CCSER1: variants seen among roughly 807,000 people sequenced by gnomAD.
CCSER1 encodes serine-rich coiled-coil domain-containing protein 1.
A neutral mutation model predicts 82.0 loss-of-function variants in CCSER1; 41 were observed. That is an observed-to-expected ratio of 0.50 (90% confidence interval 0.39 to 0.65). The LOEUF (loss-of-function observed/expected upper bound fraction) is 0.65. CCSER1 is among the 30% of genes least tolerant of loss of function. The pLI, the probability that CCSER1 is intolerant of heterozygous loss-of-function variation, is 0.00. For synonymous variants in CCSER1, 414 were observed against 383.9 expected, an observed-to-expected ratio of 1.08 and a Z score of -0.92; for missense variants, 1,119 against 1,064.2, an observed-to-expected ratio of 1.05 and a Z score of -0.72.
chr4:90,972,876 T>A (rs1735247642), intron 9 of CCSER1, among the ~76,000 whole-genome samples: 1 of 151,800 alleles, frequency 6.6e-6, no homozygotes, highest in Non-Finnish European at 1.5e-5. Flanking sequence ...TCAACTGATC[T>A]TTGACAAAAG....
intron 8 of CCSER1, among the ~76,000 whole-genome samples, chr4:90,903,927 G>C (rs183038177): frequency 2.9e-4 from 44 of 151,108 alleles, no homozygotes; most frequent in African/African-American, 1.0e-3. Flanking sequence ...ACCTTTTATA[G>C]TTAAAATTTT....
intron 10 of CCSER1, among the ~76,000 whole-genome samples, chr4:91,410,430 C>T (rs1405453030): frequency 3.3e-5 from 5 of 152,048 alleles, no homozygotes; most frequent in African/African-American, 1.2e-4. Context: ...TTAAAGGCTT[C>T]TTTTATGTTT....
At chr4:91,129,423 C>T (rs537292892) in intron 10 of CCSER1, among the ~76,000 whole-genome samples, 1 of 151,368 alleles carries the variant, frequency 6.6e-6, no homozygotes, top group Non-Finnish European at 1.5e-5. Flanking sequence ...ATAGCTAATT[C>T]TGACAGAAAG....
intron 10 of CCSER1, among the ~76,000 whole-genome samples, chr4:91,435,321 C>T (rs1754585564): frequency 6.6e-6 from 1 of 151,820 alleles, no homozygotes; most frequent in Non-Finnish European, 1.5e-5. Context: ...TGTGTCTGTA[C>T]TCTCAGCTAC....
intron 10 of CCSER1, among the ~76,000 whole-genome samples, chr4:91,169,658 A>G (rs113555967): frequency 0.039 from 5,982 of 152,132 alleles, 358 homozygotes; most frequent in African/African-American, 0.13. Flanking sequence ...AAATACAAGT[A>G]TTCAAAACTT....
At chr4:91,183,643 G>A (rs569143763) in intron 10 of CCSER1, among the ~76,000 whole-genome samples, 61 of 152,072 alleles carry the variant, frequency 4.0e-4, no homozygotes, top group African/African-American at 9.4e-4. Context: ...GTTAGAGTCC[G>A]TGAATTAGTA....
At chr4:91,158,454 T>G (rs983845877) in intron 10 of CCSER1, among the ~76,000 whole-genome samples, 3 of 151,966 alleles carry the variant, frequency 2.0e-5, no homozygotes, top group South Asian at 2.1e-4. Context: ...ATGTTTTCCC[T>G]CTTTTGTCAT....
At chr4:91,424,204 A>T (rs1753843843) in intron 10 of CCSER1, among the ~76,000 whole-genome samples, 1 of 150,702 alleles carries the variant, frequency 6.6e-6, no homozygotes, top group Admixed American at 6.6e-5. Context: ...TTTTTAGTAG[A>T]GACGGGGTTT....
At chr4:90,261,095 T>A (rs10022446) in intron 1 of CCSER1, among the ~76,000 whole-genome samples, 7,873 of 152,154 alleles carry the variant, frequency 0.052, 546 homozygotes, top group African/African-American at 0.16. Flanking sequence ...TTCAATGTTA[T>A]TATTGAGATA....
chr4:90,444,575 C>T (rs1014276107), intron 4 of CCSER1, among the ~76,000 whole-genome samples: 4 of 151,940 alleles, frequency 2.6e-5, no homozygotes, highest in Admixed American at 1.3e-4. Flanking sequence ...TTACACTTCC[C>T]ATGGTAAATG....
At chr4:90,479,523 C>T (rs1765600089) in intron 5 of CCSER1, among the ~76,000 whole-genome samples, 1 of 152,062 alleles carries the variant, frequency 6.6e-6, no homozygotes, top group Non-Finnish European at 1.5e-5. Context: ...CTATCCCTCC[C>T]CGCTCCCCCC....
intron 3 of CCSER1, among the ~76,000 whole-genome samples, chr4:90,339,031 T>A (rs1740905069): frequency 6.6e-6 from 1 of 152,170 alleles, no homozygotes; most frequent in African/African-American, 2.4e-5. Context: ...GATTTAAAGG[T>A]TTGTTGTAGT....
chr4:91,081,130 C>T (rs568621589), intron 9 of CCSER1, among the ~76,000 whole-genome samples: 1 of 152,256 alleles, frequency 6.6e-6, no homozygotes, highest in South Asian at 2.1e-4. Flanking sequence ...GACCAATATC[C>T]CTCATGAACA....
At chr4:90,915,232 A>G (rs1727149414) in intron 8 of CCSER1, among the ~76,000 whole-genome samples, 1 of 152,194 alleles carries the variant, frequency 6.6e-6, no homozygotes, top group Admixed American at 6.6e-5. Context: ...TATTAGACCA[A>G]TATCCATGAT....
At chr4:90,325,512 G>A (rs753668219) in intron 3 of CCSER1, 2 of 200,166 alleles carry the variant, frequency 1.0e-5, no homozygotes, top group Non-Finnish European at 2.2e-5. Flanking sequence ...TTCCGTGAGA[G>A]GACAACTGCT....
At chr4:91,570,099 A>T (rs1482314668) in intron 10 of CCSER1, among the ~76,000 whole-genome samples, 3 of 152,200 alleles carry the variant, frequency 2.0e-5, no homozygotes, top group Non-Finnish European at 4.4e-5. Flanking sequence ...TTAAAGCTGC[A>T]AAATGATCTC....
At chr4:90,336,452 A>G (rs953773416) in intron 3 of CCSER1, among the ~76,000 whole-genome samples, 1 of 152,222 alleles carries the variant, frequency 6.6e-6, no homozygotes, top group Non-Finnish European at 1.5e-5. Flanking sequence ...TTTCATTAAT[A>G]GACTATTGAA....
At chr4:90,622,313 A>G (rs2148884147) in intron 5 of CCSER1, among the ~76,000 whole-genome samples, 1 of 152,308 alleles carries the variant, frequency 6.6e-6, no homozygotes, top group Admixed American at 6.5e-5. Context: ...GTACATGTGC[A>G]CAACGTGCAG....
chr4:91,152,046 G>A (rs1279490898), intron 10 of CCSER1, among the ~76,000 whole-genome samples: 8 of 152,130 alleles, frequency 5.3e-5, no homozygotes, highest in African/African-American at 1.4e-4. Flanking sequence ...CTTCTGTCTC[G>A]TTGATCTGTC....
Sources: allele counts gnomAD v4.1 joint callset (sites outside exome capture counted in the v4.1 genomes callset), GRCh38; gene constraint gnomAD v4.1.1; transcripts MANE v1.5; gene names NCBI Gene and HGNC (gene_info 2026-07-23, HGNC 2026-07-21).